The following HMGA2 variants were observed in gnomAD, a reference collection of about 807,000 sequenced individuals.
The protein encoded by HMGA2 is high mobility group AT-hook 2, also known as high mobility group protein HMGI-C.
In HMGA2, 8 loss-of-function variants were observed where a neutral mutation model predicts 19.1. The ratio of observed to expected loss-of-function variants is 0.42; its 90% CI spans 0.25 to 0.76. The LOEUF is 0.76. Among genes scored for constraint, HMGA2 ranks in the 30% least tolerant of loss-of-function variants. The probability of loss-of-function intolerance (pLI) is 0.28; values close to 1 mark genes in which losing one functional copy is unlikely to be tolerated. For synonymous variants in HMGA2, 60 were observed against 48.8 expected, an observed-to-expected ratio of 1.23 and a Z score of -0.96; for missense variants, 109 against 136.3, an observed-to-expected ratio of 0.80 and a Z score of 1.00.
intron 3 of HMGA2, among the ~76,000 whole-genome samples, chr12:65,861,305 G>A (rs1440604132): frequency 6.6e-6 from 1 of 152,150 alleles, no homozygotes; most frequent in Non-Finnish European, 1.5e-5. Flanking sequence ...GGTGGAGGTT[G>A]CAGTGAGCCC....
intron 3 of HMGA2, among the ~76,000 whole-genome samples, chr12:65,890,302 A>C (rs543365433): frequency 6.1e-4 from 93 of 152,326 alleles, no homozygotes; most frequent in African/African-American, 2.1e-3. Context: ...TCCAGCCCTT[A>C]GCACAGCACC....
At chr12:65,962,886 C>T (rs943414692) in intron 4 of HMGA2, among the ~76,000 whole-genome samples, 17 of 152,162 alleles carry the variant, frequency 1.1e-4, no homozygotes, top group African/African-American at 3.9e-4. Flanking sequence ...GTTTTTAAAA[C>T]TGATGAATGG....
chr12:65,946,268 GTCATATGATTTTAAAACAAAA>G (rs1026478137), intron 3 of HMGA2, among the ~76,000 whole-genome samples: 1 of 152,136 alleles, frequency 6.6e-6, no homozygotes, highest in Non-Finnish European at 1.5e-5. Flanking sequence ...TTGAACAATG[GTCATATGATTTTAAAACAAAA>G]TCATATGATT....
intron 3 of HMGA2, among the ~76,000 whole-genome samples, chr12:65,904,744 T>G (rs1039036084): frequency 3.9e-5 from 6 of 152,156 alleles, no homozygotes; most frequent in African/African-American, 1.4e-4. Flanking sequence ...CAAGTCAGCT[T>G]TTGGTTAGGT....
intron 3 of HMGA2, chr12:65,867,552 A>T: frequency 2.2e-6 from 1 of 450,158 alleles, no homozygotes; most frequent in South Asian, 1.6e-5. Context: ...TATCCTCATG[A>T]TACTGACAAA....
At chr12:65,889,541 T>C (rs768374322) in intron 3 of HMGA2, among the ~76,000 whole-genome samples, 1 of 152,188 alleles carries the variant, frequency 6.6e-6, no homozygotes, top group African/African-American at 2.4e-5. Context: ...GAAAACACAG[T>C]ACACAAAAGG....
intron 3 of HMGA2, among the ~76,000 whole-genome samples, chr12:65,922,944 C>T (rs544922613): frequency 5.4e-4 from 82 of 152,234 alleles, no homozygotes; most frequent in Admixed American, 2.7e-3. Context: ...AAGTGTCTTT[C>T]GCCTACCACC....
intron 3 of HMGA2, among the ~76,000 whole-genome samples, chr12:65,839,069 T>C (rs1870881577): frequency 6.6e-6 from 1 of 150,542 alleles, no homozygotes; most frequent in South Asian, 2.2e-4. Context: ...TTGTGTTTTC[T>C]TTTTCACATG....
chr12:65,940,213 T>C (rs376944940), intron 3 of HMGA2, among the ~76,000 whole-genome samples: 1 of 152,102 alleles, frequency 6.6e-6, no homozygotes. Context: ...AGAGGAATAA[T>C]AGAAATAAAA....
rs60786450 is a variant in HMGA2, at chr12:65,824,713, TTCTCTCTCTCTCTCTCTCTC to T, written c.-521_-502del. 482 of 145,116 alleles carry T rather than the reference TTCTCTCTCTCTCTCTCTCTC, an allele frequency of 3.3e-3. 2 individuals carry two copies. The highest frequency in any genetic ancestry group is 0.011 in the South Asian group (32 of 2,834). The allele number at this position is 145,116 out of a possible 1,614,324, so 9.0% of individuals were successfully genotyped here. On this transcript the variant is annotated 5_prime_UTR_variant, in exon 1 of 5. Coordinates refer to ENST00000403681, the MANE Select transcript of HMGA2 (RefSeq NM_003483.6). ...CCAAGGCACTTTCAATCTCAATCTC[TTCTCTCTCTCTCTCTCTCTC>T]TCTCTCTCTCTCTCTCTCTCTCTCT...
intron 4 of HMGA2, chr12:65,951,750 C>T (rs539992503): frequency 9.5e-6 from 2 of 209,592 alleles, no homozygotes; most frequent in African/African-American, 2.3e-5. Context: ...TTTGTCCTTC[C>T]AACTGACTGT....
chr12:65,862,017 G>A lies in HMGA2; in HGVS notation c.249+23448G>A, dbSNP rs142419985. Reference sequence around the variant, plus strand: ...CCACCACCACGCCCGGCTAATTTTCGTTTATTTAGTAGAGACGGGGTTTCA... The same window carrying A: ...CCACCACCACGCCCGGCTAATTTTCATTTATTTAGTAGAGACGGGGTTTCA... On this transcript the variant is annotated intron_variant, in intron 3 of 4. Transcript: ENST00000403681. Among the ~76,000 whole-genome samples the A allele has an allele frequency of 2.0e-3, 308 of 151,858 alleles. 3 individuals are homozygous for A. Among genetic ancestry groups the A allele is most frequent in the African/African-American group, 7.1e-3 (293 of 41,416 alleles).
intron 3 of HMGA2, among the ~76,000 whole-genome samples, chr12:65,938,173 C>T (rs1875961401): frequency 6.6e-6 from 1 of 152,146 alleles, no homozygotes; most frequent in Non-Finnish European, 1.5e-5. Flanking sequence ...TTTTTTGACT[C>T]TGAAGGAAAT....
chr12:65,871,728 A>G (rs949599023), intron 3 of HMGA2, among the ~76,000 whole-genome samples: 3 of 152,202 alleles, frequency 2.0e-5, no homozygotes, highest in African/African-American at 7.2e-5. Flanking sequence ...TCAGGCTGTC[A>G]GATGCACAGA....
At chr12:65,903,776 C>T (rs1157025245) in intron 3 of HMGA2, among the ~76,000 whole-genome samples, 3 of 152,192 alleles carry the variant, frequency 2.0e-5, no homozygotes, top group Admixed American at 2.0e-4. Context: ...AATTTCTGAA[C>T]TCAGAGTTAT....
chr12:65,830,905 T>C (rs1187763464), intron 2 of HMGA2: 1 of 151,932 alleles, frequency 6.6e-6, no homozygotes, highest in African/African-American at 2.4e-5. Context: ...TCAATCTACT[T>C]AATATTCCAT....
At chr12:65,876,507 A>G (rs1186427823) in intron 3 of HMGA2, among the ~76,000 whole-genome samples, 2 of 152,226 alleles carry the variant, frequency 1.3e-5, no homozygotes, top group Non-Finnish European at 2.9e-5. Context: ...GTACACAACT[A>G]TACATTCAAT....
chr12:65,854,085 G>A (rs750922197), intron 3 of HMGA2, among the ~76,000 whole-genome samples: 1 of 152,124 alleles, frequency 6.6e-6, no homozygotes, highest in African/African-American at 2.4e-5. Flanking sequence ...ATGAAAAATG[G>A]CTGATGAAGG....
intron 3 of HMGA2, among the ~76,000 whole-genome samples, chr12:65,940,703 A>T (rs1876063893): frequency 6.6e-6 from 1 of 152,194 alleles, no homozygotes; most frequent in Non-Finnish European, 1.5e-5. Flanking sequence ...AGGGAAAAAG[A>T]TGTGGAGCTA....
Sources: gnomAD v4.1 joint callset for allele counts (sites outside exome capture counted in the v4.1 genomes callset) on GRCh38, gnomAD v4.1.1 for gene constraint, MANE v1.5 for transcripts, NCBI Gene and HGNC (gene_info 2026-07-23, HGNC 2026-07-21) for gene names.